MOB3A: variants seen among roughly 807,000 people sequenced by gnomAD.
MOB3A encodes MOB kinase activator 3A.
In MOB3A, 17 loss-of-function variants were observed where a neutral mutation model predicts 17.8. The ratio of observed to expected loss-of-function variants is 0.95; its 90% CI spans 0.65 to 1.43. The LOEUF (loss-of-function observed/expected upper bound fraction) is 1.43, where lower values mean the gene tolerates loss of function less well. Among genes scored for constraint, MOB3A ranks in the 40% most tolerant of loss-of-function variants. The pLI, the probability that MOB3A is intolerant of heterozygous loss-of-function variation, is 0.00. For missense variants in MOB3A, 333 were observed against 310.8 expected (o/e 1.07, Z -0.54); for synonymous variants, 124 against 133.2 (o/e 0.93, Z 0.48).
At chr19:2,088,391 C>T (rs756659400) in intron 1 of MOB3A, among the ~76,000 whole-genome samples, 4 of 152,320 alleles carry the variant, frequency 2.6e-5, no homozygotes, top group Non-Finnish European at 4.4e-5. Context: ...CCAGCCTCAA[C>T]CTCCGGGGCT....
intron 2 of MOB3A, among the ~76,000 whole-genome samples, chr19:2,079,783 G>A (rs192099926): frequency 1.5e-4 from 23 of 152,312 alleles, no homozygotes; most frequent in Admixed American, 6.5e-5. Context: ...CTTCCAGGTC[G>A]GGTCACATGG....
At chr19:2,083,925 G>C (rs928354127) in intron 2 of MOB3A, among the ~76,000 whole-genome samples, 22 of 152,108 alleles carry the variant, frequency 1.4e-4, no homozygotes, top group African/African-American at 5.3e-4. Context: ...GTTCCCACAG[G>C]CCCCCGCTTG....
intron 3 of MOB3A, among the ~76,000 whole-genome samples, 169 bp downstream of exon 3, chr19:2,077,971 G>A (rs1408325486): frequency 6.6e-6 from 1 of 152,020 alleles, no homozygotes; most frequent in East Asian, 1.9e-4. Flanking sequence ...TTTTTGTAGA[G>A]ATGGGATCTT....
At chr19:2,088,900 G>A (rs1393179959) in intron 1 of MOB3A, among the ~76,000 whole-genome samples, 3 of 152,176 alleles carry the variant, frequency 2.0e-5, no homozygotes, top group Non-Finnish European at 2.9e-5. Flanking sequence ...ACGGAGCCTG[G>A]CTCTGTCTCC....
At chr19:2,076,183 C>G (rs943810608) in intron 4 of MOB3A, among the ~76,000 whole-genome samples, 2 of 148,978 alleles carry the variant, frequency 1.3e-5, no homozygotes, top group Admixed American at 6.7e-5. Context: ...AATCCCAGCA[C>G]TTTGAGAGGC....
intron 4 of MOB3A, 74 bp downstream of exon 4, chr19:2,076,737 C>T: frequency 6.7e-7 from 1 of 1,495,108 alleles, no homozygotes; most frequent in African/African-American, 1.4e-5. Flanking sequence ...AGGGTCCTGG[C>T]CCCGGAAGGG....
At chr19:2,074,708 A>G (rs2017382118) in intron 4 of MOB3A, among the ~76,000 whole-genome samples, 1 of 151,408 alleles carries the variant, frequency 6.6e-6, no homozygotes, top group Non-Finnish European at 1.5e-5. Context: ...GCCCACCACC[A>G]TGCCTGGCTA....
intron 3 of MOB3A, among the ~76,000 whole-genome samples, chr19:2,077,802 G>C (rs76631244): frequency 6.9e-6 from 1 of 145,016 alleles, no homozygotes; most frequent in Non-Finnish European, 1.5e-5. Context: ...TTTTTTTTTT[G>C]AGACAGGGTC....
At chr19:2,089,918 T>C (rs2017594117) in intron 1 of MOB3A, among the ~76,000 whole-genome samples, 1 of 151,722 alleles carries the variant, frequency 6.6e-6, no homozygotes, top group Admixed American at 6.6e-5. Context: ...CCTCCTCTAG[T>C]TGTGACAAAC....
rs2017346450 is a variant in MOB3A, at chr19:2,072,159, G to A, written c.*1236C>T. Reference sequence around the variant, plus strand: ...CCACCACTGCACTCCAGCCTGGTTAGGCCGGGTGCAGTAGCTCATGCCTGT... The same window carrying A: ...CCACCACTGCACTCCAGCCTGGTTAAGCCGGGTGCAGTAGCTCATGCCTGT... On this transcript the variant is annotated 3_prime_UTR_variant, in exon 5 of 5. Coordinates refer to ENST00000357066, the MANE Select transcript of MOB3A (RefSeq NM_130807.3). 2 of 152,154 alleles carry A rather than the reference G, an allele frequency of 1.3e-5. No homozygotes were observed. The highest frequency in any genetic ancestry group is 2.4e-5 in the African/African-American group (1 of 41,426). 9.4% of individuals were successfully genotyped at this position (152,154 alleles called of 1,614,324 possible).
In MOB3A at chr19:2,096,276, C is replaced by T. The variant is rs1022003039; in HGVS notation, c.-324G>A. 6.4e-6 allele frequency: 1 copy of T among 157,372 alleles called. No homozygotes were observed. Among genetic ancestry groups the T allele is most frequent in the Non-Finnish European group, 1.4e-5 (1 of 71,040 alleles). 9.7% of individuals were successfully genotyped at this position (157,372 alleles called of 1,614,324 possible). On this transcript the variant is annotated 5_prime_UTR_variant, in exon 1 of 5. Coordinates refer to ENST00000357066, the MANE Select transcript of MOB3A (RefSeq NM_130807.3). ...GCCCCTCCCGGTACCCAACTGGCCGCCTCGGCCGCCTCAGCCGCCGCACCG... is the reference window on the plus strand; with the variant it reads ...GCCCCTCCCGGTACCCAACTGGCCGTCTCGGCCGCCTCAGCCGCCGCACCG...
chr19:2,079,697 C>G (rs1051166503), intron 2 of MOB3A, among the ~76,000 whole-genome samples: 1 of 152,200 alleles, frequency 6.6e-6, no homozygotes, highest in Non-Finnish European at 1.5e-5. Flanking sequence ...TTGCTGTGCC[C>G]AAGTCACTGG....
At chr19:2,079,795 G>A (rs1482517381) in intron 2 of MOB3A, among the ~76,000 whole-genome samples, 2 of 152,234 alleles carry the variant, frequency 1.3e-5, no homozygotes, top group South Asian at 2.1e-4. Context: ...GTCACATGGC[G>A]AGATGCCGGG....
Position 2,073,159 on chromosome 19 carries a change from T to G in MOB3A, c.*236A>C. 1 of 575,044 alleles carries G rather than the reference T, an allele frequency of 1.7e-6. No homozygotes were observed. Among genetic ancestry groups the G allele is most frequent in the Non-Finnish European group, 3.1e-6 (1 of 323,310 alleles). The allele number at this position is 575,044 out of a possible 1,614,324, so 35.6% of individuals were successfully genotyped here. On this transcript the variant is annotated 3_prime_UTR_variant, in exon 5 of 5. Coordinates refer to ENST00000357066, the MANE Select transcript of MOB3A (RefSeq NM_130807.3). The stretch of plus-strand genomic sequence containing the variant: ...GGCTTTTCCGGTTGCTAGTAACACA[T>G]AGAATTACAGAGTTCACGTTTTAGT...
intron 4 of MOB3A, among the ~76,000 whole-genome samples, chr19:2,073,988 G>C (rs559226824): frequency 2.8e-4 from 42 of 151,624 alleles, no homozygotes; most frequent in Admixed American, 1.2e-3. Context: ...CCAAGATCGC[G>C]CCACTGCACT....
chr19:2,083,072 C>T (rs2017509533), intron 2 of MOB3A, among the ~76,000 whole-genome samples: 2 of 152,180 alleles, frequency 1.3e-5, no homozygotes, highest in South Asian at 2.1e-4. Flanking sequence ...GTCTTGAACT[C>T]CTGGACTCAA....
intron 1 of MOB3A, among the ~76,000 whole-genome samples, chr19:2,087,012 A>C (rs914100089): frequency 6.6e-6 from 1 of 151,872 alleles, no homozygotes; most frequent in Non-Finnish European, 1.5e-5. Flanking sequence ...GCTGGTCTTG[A>C]GCTTCTGGAG....
Position 2,093,678 on chromosome 19 carries a change from C to G in MOB3A, c.-274+2548G>C, listed in dbSNP as rs893905432. Among the ~76,000 whole-genome samples, 20 of 152,120 alleles carry G rather than the reference C, an allele frequency of 1.3e-4. No individual in the cohort carries two copies. The highest frequency in any genetic ancestry group is 4.8e-4 in the African/African-American group (20 of 41,410). ...ATCCCAATTCGGACCAGCCACATTG[C>G]AAGGCCTCCACAGCCACAGGTAGTA... On this transcript the variant is annotated intron_variant, in intron 1 of 4. Transcript: ENST00000357066. This position sits in a 1 kb window ranked among gnomAD's most constrained non-coding sequence, Gnocchi z 4.6.
intron 2 of MOB3A, among the ~76,000 whole-genome samples, chr19:2,080,237 C>T (rs1011664053): frequency 6.6e-6 from 1 of 152,134 alleles, no homozygotes; most frequent in Non-Finnish European, 1.5e-5. Context: ...GTCCTCACCA[C>T]AGCATGAAGA....
Sources: gnomAD v4.1 joint callset for allele counts (sites outside exome capture counted in the v4.1 genomes callset) on GRCh38, gnomAD v4.1.1 for gene constraint, Gnocchi (gnomAD v3.1) non-coding constraint, MANE v1.5 for transcripts, NCBI Gene and HGNC (gene_info 2026-07-23, HGNC 2026-07-21) for gene names.